The following DOCK9 variants were observed in gnomAD, a reference collection of about 807,000 sequenced individuals.
DOCK9 encodes the protein dedicator of cytokinesis 9, also known as dedicator of cytokinesis protein 9.
A neutral mutation model predicts 263.3 loss-of-function variants in DOCK9; 89 were observed. The ratio of observed to expected loss-of-function variants is 0.34; its 90% CI spans 0.28 to 0.40. The LOEUF is 0.40. Ranked by LOEUF, DOCK9 falls within the 10% of genes least tolerant of loss-of-function variation. The probability of loss-of-function intolerance (pLI) is 1.00; values close to 1 mark genes in which losing one functional copy is unlikely to be tolerated. For synonymous variants in DOCK9, 976 were observed against 973.1 expected, an observed-to-expected ratio of 1.00 and a Z score of -0.06; for missense variants, 2,140 against 2,603.4, an observed-to-expected ratio of 0.82 and a Z score of 3.87.
chr13:98,851,823 C>G (rs1294876634), intron 35 of DOCK9, among the ~76,000 whole-genome samples: 1 of 151,986 alleles, frequency 6.6e-6, no homozygotes, highest in Non-Finnish European at 1.5e-5. Flanking sequence ...ACACTGCTTT[C>G]AAAGAAAATA....
At chr13:98,886,743 T>C in intron 18 of DOCK9, 119 bp from the exon 19 acceptor site, 2 of 923,728 alleles carry the variant, frequency 2.2e-6, no homozygotes, top group Non-Finnish European at 3.3e-6. Context: ...CCACCTCTGA[T>C]GGGCCCCAGG....
chr13:98,903,321 C>T (rs1340589277), intron 10 of DOCK9, among the ~76,000 whole-genome samples: 1 of 152,064 alleles, frequency 6.6e-6, no homozygotes, highest in Non-Finnish European at 1.5e-5. Context: ...GGGCCGGGCA[C>T]GGTGGCTCAC....
intron 27 of DOCK9, among the ~76,000 whole-genome samples, chr13:98,876,876 T>C (rs2043940997): frequency 1.3e-5 from 2 of 152,232 alleles, no homozygotes; most frequent in African/African-American, 4.8e-5. Context: ...CAGGTGTTTG[T>C]GAATCTCTTT....
At chr13:98,827,530 G>A (rs761162372) in intron 43 of DOCK9, among the ~76,000 whole-genome samples, 71 of 152,240 alleles carry the variant, frequency 4.7e-4, no homozygotes, top group Non-Finnish European at 2.4e-4. Flanking sequence ...TCAGCGGGGT[G>A]AGCGCCACCA....
chr13:98,888,194 G>A lies in DOCK9; in HGVS notation c.2007C>T (p.Phe669=), dbSNP rs1462444828. ...GAGAGTCTTCCTCATCTGAATCTTT[G>A]AATTCAATGCAAATCGCAATATTTC... ...KARNIAICIE[F]KDSDEEDSQP... Residue 669 remains phenylalanine (F), a synonymous_variant, in exon 18 of 53, where the codon TTC becomes TTT. Coordinates refer to ENST00000682017, the MANE Select transcript of DOCK9 (RefSeq NM_001366683.2). 2.6e-5 allele frequency: 42 copies of A among 1,609,506 alleles called. No individual in the cohort carries two copies. The highest frequency in any genetic ancestry group is 3.5e-5 in the Non-Finnish European group (41 of 1,177,810).
chr13:99,075,283 T>C (rs1354594044), intron 1 of DOCK9, among the ~76,000 whole-genome samples: 1 of 152,108 alleles, frequency 6.6e-6, no homozygotes, highest in Non-Finnish European at 1.5e-5. Flanking sequence ...TACAATACAC[T>C]TATTTTTTTA....
upstream of DOCK9, among the ~76,000 whole-genome samples, chr13:99,087,335 G>A (rs2042371062): frequency 6.6e-6 from 1 of 152,208 alleles, no homozygotes; most frequent in Non-Finnish European, 1.5e-5. Context: ...CACCTTGGAC[G>A]TGGGCAATAC....
intron 1 of DOCK9, among the ~76,000 whole-genome samples, chr13:99,035,347 T>C (rs535532982): frequency 1.3e-5 from 2 of 152,324 alleles, no homozygotes; most frequent in Admixed American, 6.5e-5. Context: ...CCTTTTGATA[T>C]AGTAATAGCA....
chr13:99,085,790 C>A (rs1471589390), intron 1 of DOCK9, among the ~76,000 whole-genome samples: 1 of 151,528 alleles, frequency 6.6e-6, no homozygotes, highest in Non-Finnish European at 1.5e-5. Flanking sequence ...TGAGGAAGCC[C>A]CCACCTCAAT....
intron 1 of DOCK9, among the ~76,000 whole-genome samples, chr13:98,991,164 T>C (rs1430485545): frequency 6.6e-6 from 1 of 152,006 alleles, no homozygotes; most frequent in Non-Finnish European, 1.5e-5. Flanking sequence ...CTCCGCCTCC[T>C]GGGTTCACGT....
chr13:99,002,961 T>C (rs1330219819), intron 1 of DOCK9, among the ~76,000 whole-genome samples: 1 of 96,692 alleles, frequency 1.0e-5, no homozygotes, highest in East Asian at 4.0e-4. Context: ...AACAAGTAAA[T>C]AGACATGGAA....
intron 2 of DOCK9, among the ~76,000 whole-genome samples, chr13:98,948,765 G>C (rs532015438): frequency 7.9e-4 from 120 of 152,080 alleles, no homozygotes; most frequent in Non-Finnish European, 1.5e-3. Flanking sequence ...TAATGAATTT[G>C]ATTCTTTAGG....
At chr13:99,051,793 A>G (rs1374288111) in intron 1 of DOCK9, among the ~76,000 whole-genome samples, 2 of 151,388 alleles carry the variant, frequency 1.3e-5, no homozygotes, top group African/African-American at 4.9e-5. Flanking sequence ...ACACCCTATC[A>G]AAATTCAACC....
intron 2 of DOCK9, among the ~76,000 whole-genome samples, chr13:98,935,944 T>A (rs184927621): frequency 2.6e-5 from 4 of 152,262 alleles, no homozygotes; most frequent in East Asian, 3.9e-4. Flanking sequence ...ACTGAGCCAC[T>A]TGTTTATAAT....
chr13:99,032,316 C>CA (rs1003380157), intron 1 of DOCK9, among the ~76,000 whole-genome samples: 72 of 148,098 alleles, frequency 4.9e-4, no homozygotes, highest in East Asian at 2.7e-3. Flanking sequence ...ACTAAAAATA[C>CA]AAAAAAAAAA....
At chr13:99,045,008 G>A (rs554264165) in intron 1 of DOCK9, among the ~76,000 whole-genome samples, 7 of 152,320 alleles carry the variant, frequency 4.6e-5, no homozygotes, top group African/African-American at 1.7e-4. Context: ...TTCAAGAGAT[G>A]TCTCACTAAG....
chr13:98,808,573 C>T, intron 47 of DOCK9: 1 of 1,090,248 alleles, frequency 9.2e-7, no homozygotes, highest in East Asian at 2.4e-5. Flanking sequence ...ACATCCACAT[C>T]AAACTAGGAG....
At chr13:98,868,122 C>A in intron 28 of DOCK9, 109 bp downstream of exon 28, 2 of 1,530,362 alleles carry the variant, frequency 1.3e-6, no homozygotes, top group South Asian at 2.3e-5. Context: ...AAAAAACATG[C>A]CATCAACATT....
intron 1 of DOCK9, among the ~76,000 whole-genome samples, chr13:98,984,845 G>A (rs1878065411): frequency 6.6e-6 from 1 of 152,086 alleles, no homozygotes; most frequent in Admixed American, 6.5e-5. Context: ...ATAATATTAA[G>A]TATGAGAACT....
Sources: gnomAD v4.1 joint callset for allele counts (sites outside exome capture counted in the v4.1 genomes callset) on GRCh38, gnomAD v4.1.1 for gene constraint, MANE v1.5 for transcripts, NCBI Gene and HGNC (gene_info 2026-07-23, HGNC 2026-07-21) for gene names.